Variants in CSMD1 observed in about 807,000 individuals in gnomAD.
CSMD1 encodes CUB and Sushi multiple domains 1, also known as CUB and sushi domain-containing protein 1.
Under a neutral mutation model 417.5 loss-of-function variants are expected in CSMD1, and 213 were observed. That is an observed-to-expected ratio of 0.51 (90% CI 0.46 to 0.57). The LOEUF is 0.57. Ranked by LOEUF, CSMD1 falls within the 20% of genes least tolerant of loss-of-function variation. The pLI, the probability that CSMD1 is intolerant of heterozygous loss-of-function variation, is 0.00. For missense variants in CSMD1, 6,923 were observed against 4,529.7 expected, an observed-to-expected ratio of 1.53 and a Z score of -15.17; for synonymous variants, 2,862 against 1,736.8, an observed-to-expected ratio of 1.65 and a Z score of -16.11.
chr8:4,876,367 G>A lies in CSMD1; in HGVS notation c.85+117965C>T, dbSNP rs577653353. Among the ~76,000 whole-genome samples the A allele has an allele frequency of 2.1e-4, 32 of 152,138 alleles. No homozygotes were observed. In the South Asian group the frequency reaches 5.4e-3, roughly 26 times the overall value. ...AGGTAACAAACAATTGTGAAAAAAT[G>A]CATACCTCTCTGAAATACAGAGCAA... On this transcript the variant is annotated intron_variant, in intron 1 of 69. Coordinates refer to ENST00000635120, the MANE Select transcript of CSMD1 (RefSeq NM_033225.6).
At chr8:3,284,468 T>G (rs1802993968) in intron 25 of CSMD1, 122 bp from the exon 26 acceptor site, 1 of 692,666 alleles carries the variant, frequency 1.4e-6, no homozygotes, top group Admixed American at 2.3e-5. Flanking sequence ...GCCTCGGTAC[T>G]TACTGTCTGA....
intron 2 of CSMD1, among the ~76,000 whole-genome samples, chr8:4,463,709 G>C (rs907802259): frequency 2.0e-5 from 3 of 152,154 alleles, no homozygotes; most frequent in East Asian, 3.9e-4. Flanking sequence ...AATCCCTAGA[G>C]ACGAAAATAA....
At chr8:3,943,102 C>T (rs1354484278) in intron 5 of CSMD1, among the ~76,000 whole-genome samples, 1 of 151,960 alleles carries the variant, frequency 6.6e-6, no homozygotes, top group African/African-American at 2.4e-5. Context: ...TGGGATTCAA[C>T]TTCGGAATTT....
chr8:3,138,673 G>A (rs1818254616), intron 41 of CSMD1, among the ~76,000 whole-genome samples: 1 of 152,186 alleles, frequency 6.6e-6, no homozygotes, highest in South Asian at 2.1e-4. Context: ...AAGCATTGCA[G>A]GCTGAGATTG....
chr8:3,922,537 T>C (rs758302133), intron 5 of CSMD1, among the ~76,000 whole-genome samples: 4 of 152,160 alleles, frequency 2.6e-5, no homozygotes, highest in Non-Finnish European at 4.4e-5. Context: ...ATTTTTTGTA[T>C]ACCTACTAGA....
At chr8:3,709,678 A>ATTTTTTT (rs1563296488) in intron 6 of CSMD1, among the ~76,000 whole-genome samples, 2 of 24,322 alleles carry the variant, frequency 8.2e-5, no homozygotes, top group Non-Finnish European at 8.9e-5. Flanking sequence ...TTGCAGCAGC[A>ATTTTTTT]TGTTTTTTTT....
chr8:4,428,594 T>C (rs1797695831), intron 2 of CSMD1, among the ~76,000 whole-genome samples: 1 of 152,218 alleles, frequency 6.6e-6, no homozygotes, highest in Non-Finnish European at 1.5e-5. Flanking sequence ...ACACTTTCAG[T>C]AATACTAGAT....
chr8:3,899,683 G>A (rs1247573956), intron 5 of CSMD1, among the ~76,000 whole-genome samples: 2 of 152,132 alleles, frequency 1.3e-5, no homozygotes, highest in African/African-American at 2.4e-5. Context: ...TTATAATCTG[G>A]GCTAAATATG....
intron 23 of CSMD1, among the ~76,000 whole-genome samples, chr8:3,327,046 A>G (rs1806578564): frequency 6.6e-6 from 1 of 152,152 alleles, no homozygotes; most frequent in African/African-American, 2.4e-5. Flanking sequence ...AAAAATAAAA[A>G]CAAGTGGAAA....
intron 5 of CSMD1, among the ~76,000 whole-genome samples, chr8:3,978,383 T>A (rs1399550483): frequency 6.6e-6 from 1 of 152,208 alleles, no homozygotes; most frequent in Admixed American, 6.5e-5. Flanking sequence ...TATCAAATAT[T>A]CATAATTCAT....
intron 5 of CSMD1, among the ~76,000 whole-genome samples, chr8:3,945,263 T>C (rs940783190): frequency 6.6e-6 from 1 of 150,578 alleles, no homozygotes; most frequent in African/African-American, 2.4e-5. Flanking sequence ...AGCTGAACAA[T>C]ACATTCTCCA....
At chr8:3,538,960 C>A (rs939626104) in intron 10 of CSMD1, among the ~76,000 whole-genome samples, 1 of 152,182 alleles carries the variant, frequency 6.6e-6, no homozygotes, top group Non-Finnish European at 1.5e-5. Context: ...GTCATCAAAG[C>A]ATCTCCCTTC....
At chr8:4,131,297 G>C (rs1441882406) in intron 3 of CSMD1, among the ~76,000 whole-genome samples, 1 of 152,142 alleles carries the variant, frequency 6.6e-6, no homozygotes, top group Non-Finnish European at 1.5e-5. Flanking sequence ...AATCTACACA[G>C]AGCTTCCTGT....
chr8:3,253,347 G>A (rs1480277621), intron 26 of CSMD1, among the ~76,000 whole-genome samples: 7 of 152,134 alleles, frequency 4.6e-5, no homozygotes, highest in Admixed American at 2.6e-4. Context: ...TTTTGAGTGA[G>A]TTTCTTATTT....
Position 3,214,841 on chromosome 8 carries a change from T to C in CSMD1, c.4673-150A>G, listed in dbSNP as rs1427843098. The C allele has an allele frequency of 2.8e-5, 14 of 492,688 alleles. 1 individual carries two copies. In the South Asian group the frequency reaches 6.0e-4, roughly 21 times the overall value. The allele number at this position is 492,688 out of a possible 1,614,324, so 30.5% of individuals were successfully genotyped here. On this transcript the variant is annotated intron_variant, in intron 29 of 69. Transcript: ENST00000635120. Reference sequence around the variant, plus strand: ...GAAATGCTCAAAGAATATTTATTGATTGGCTATTGACCAAGTGAAACTATT... The same window carrying C: ...GAAATGCTCAAAGAATATTTATTGACTGGCTATTGACCAAGTGAAACTATT...
intron 5 of CSMD1, among the ~76,000 whole-genome samples, chr8:3,877,969 T>TC (rs1805941943): frequency 6.6e-6 from 1 of 152,138 alleles, no homozygotes; most frequent in African/African-American, 2.4e-5. Flanking sequence ...GCAAAGTTTT[T>TC]TTTTTTTTAA....
At chr8:3,285,651 G>C (rs762915571) in intron 25 of CSMD1, among the ~76,000 whole-genome samples, 1 of 151,708 alleles carries the variant, frequency 6.6e-6, no homozygotes, top group African/African-American at 2.4e-5. Context: ...CACCTGCCTC[G>C]GCCTCCCAAA....
At chr8:4,852,597 G>A (rs971399695) in intron 1 of CSMD1, among the ~76,000 whole-genome samples, 4 of 152,162 alleles carry the variant, frequency 2.6e-5, no homozygotes, top group Non-Finnish European at 5.9e-5. Context: ...CCAGGAGTGG[G>A]ATGTTGCTAT....
intron 23 of CSMD1, among the ~76,000 whole-genome samples, chr8:3,335,559 C>A (rs1030613303): frequency 6.6e-6 from 1 of 152,118 alleles, no homozygotes; most frequent in Non-Finnish European, 1.5e-5. Context: ...TACCTGTAAT[C>A]CCAGCTACTA....
Sources: gnomAD v4.1 joint callset for allele counts (sites outside exome capture counted in the v4.1 genomes callset) on GRCh38, gnomAD v4.1.1 for gene constraint, MANE v1.5 for transcripts, NCBI Gene and HGNC (gene_info 2026-07-23, HGNC 2026-07-21) for gene names.